CTNND2: variants seen among roughly 807,000 people sequenced by gnomAD.
The protein encoded by CTNND2 is catenin delta-2.
A neutral mutation model predicts 144.4 loss-of-function variants in CTNND2; 22 were observed. The ratio of observed to expected loss-of-function variants is 0.15; its 90% CI spans 0.11 to 0.22. The LOEUF is 0.22. CTNND2 is among the 10% of genes least tolerant of loss of function. The probability of loss-of-function intolerance (pLI) is 1.00; values close to 1 mark genes in which losing one functional copy is unlikely to be tolerated. For synonymous variants in CTNND2, 751 were observed against 695.6 expected (o/e 1.08, Z -1.25); for missense variants, 1,353 against 1,618.8 (o/e 0.84, Z 2.82).
chr5:11,722,968 T>C lies in CTNND2; in HGVS notation c.174+9168A>G, dbSNP rs1581777245. ...TAATATGACAACATCAAGAGTTTCATCAAGCACAAATATGTGAAAAATCTC... is the reference window on the plus strand; with the variant it reads ...TAATATGACAACATCAAGAGTTTCACCAAGCACAAATATGTGAAAAATCTC... On this transcript the variant is annotated intron_variant, in intron 2 of 21. Coordinates refer to ENST00000304623, the MANE Select transcript of CTNND2 (RefSeq NM_001332.4). 3.3e-5 allele frequency among the ~76,000 whole-genome samples: 5 copies of C among 152,178 alleles called. No homozygotes were observed. The South Asian group carries it at 8.3e-4, about 25-fold the overall frequency.
intron 11 of CTNND2, among the ~76,000 whole-genome samples, chr5:11,167,713 T>C (rs1263869632): frequency 2.7e-5 from 4 of 150,602 alleles, no homozygotes; most frequent in East Asian, 2.0e-4. Context: ...TTTTTTTTTT[T>C]CAGACAGAGT....
At chr5:11,660,197 C>G (rs533245288) in intron 2 of CTNND2, among the ~76,000 whole-genome samples, 6 of 152,044 alleles carry the variant, frequency 3.9e-5, no homozygotes, top group South Asian at 4.1e-4. Flanking sequence ...AGGCAAGAAG[C>G]TGCTACCTGA....
rs201288821 is a variant in CTNND2 at position 11,770,464 on chromosome 5, G to GAAGGAAGGAA, written c.38-38193_38-38192insTTCCTTCCTT. ...GGAAGGAAGGAAGGAAGGAAGGAAG[G>GAAGGAAGGAA]GGTAGGGGTAGGGGAAGGGGAAGGA... On this transcript the variant is annotated intron_variant, in intron 1 of 21. Coordinates refer to ENST00000304623, the MANE Select transcript of CTNND2 (RefSeq NM_001332.4). 6.0e-3 allele frequency among the ~76,000 whole-genome samples: 855 copies of GAAGGAAGGAA among 142,964 alleles called. 11 individuals carry two copies. Among genetic ancestry groups the GAAGGAAGGAA allele is most frequent in the African/African-American group, 0.014 (494 of 34,370 alleles). 93.8% of individuals were successfully genotyped at this position (142,964 alleles called of 152,430 possible). A position where few individuals can be genotyped will look rare whatever the true frequency, so the allele number is the denominator to read the frequency against.
chr5:11,662,189 A>G (rs565743745), intron 2 of CTNND2, among the ~76,000 whole-genome samples: 2 of 133,490 alleles, frequency 1.5e-5, no homozygotes, highest in Non-Finnish European at 3.4e-5. Context: ...ATATATGTGT[A>G]TATATGTGTA....
At chr5:11,865,294 G>A (rs1478108920) in intron 1 of CTNND2, among the ~76,000 whole-genome samples, 3 of 152,146 alleles carry the variant, frequency 2.0e-5, no homozygotes, top group South Asian at 4.2e-4. Flanking sequence ...TCAGAACTAG[G>A]ACTATATTGC....
chr5:11,054,207 CA>C (rs1746128621), intron 16 of CTNND2, among the ~76,000 whole-genome samples: 1 of 152,136 alleles, frequency 6.6e-6, no homozygotes, highest in Admixed American at 6.5e-5. Flanking sequence ...ACAATGATGG[CA>C]GTGAATTAAC....
intron 21 of CTNND2, among the ~76,000 whole-genome samples, chr5:10,980,038 G>A (rs1237527107): frequency 6.6e-6 from 1 of 152,120 alleles, no homozygotes; most frequent in African/African-American, 2.4e-5. Flanking sequence ...GGCAACAAAA[G>A]TCAAAATCGA....
At chr5:11,405,002 G>A (rs1343161290) in intron 5 of CTNND2, among the ~76,000 whole-genome samples, 1 of 152,154 alleles carries the variant, frequency 6.6e-6, no homozygotes, top group East Asian at 1.9e-4. Flanking sequence ...GCCTCGCGGG[G>A]AAAAGTCTGC....
At chr5:11,067,661 G>A (rs1747759230) in intron 16 of CTNND2, among the ~76,000 whole-genome samples, 1 of 152,182 alleles carries the variant, frequency 6.6e-6, no homozygotes, top group African/African-American at 2.4e-5. Context: ...AGGAAACCCT[G>A]CCCTCATTGA....
At chr5:11,248,340 C>CATATAT (rs70947249) in intron 9 of CTNND2, among the ~76,000 whole-genome samples, 73 of 149,112 alleles carry the variant, frequency 4.9e-4, no homozygotes, top group South Asian at 1.3e-3. Context: ...ATTATACATA[C>CATATAT]ATATATATAT....
At chr5:11,900,814 G>A (rs1215945790) in intron 1 of CTNND2, among the ~76,000 whole-genome samples, 1 of 152,170 alleles carries the variant, frequency 6.6e-6, no homozygotes, top group African/African-American at 2.4e-5. Flanking sequence ...ACTTGAAAAT[G>A]ACTAGCAGTC....
chr5:11,590,588 G>A (rs1779173905), intron 2 of CTNND2, among the ~76,000 whole-genome samples: 1 of 151,170 alleles, frequency 6.6e-6, no homozygotes, highest in Non-Finnish European at 1.5e-5. Flanking sequence ...CATCCTCCCC[G>A]CCCTTGTGAA....
chr5:11,247,465 G>A (rs1743122588), intron 9 of CTNND2, among the ~76,000 whole-genome samples: 1 of 152,180 alleles, frequency 6.6e-6, no homozygotes, highest in South Asian at 2.1e-4. Flanking sequence ...GTGGGGACTG[G>A]GATCTCTTGT....
intron 2 of CTNND2, among the ~76,000 whole-genome samples, chr5:11,670,103 C>T (rs150854093): frequency 0.02 from 2,985 of 152,108 alleles, 95 homozygotes; most frequent in African/African-American, 0.067. Flanking sequence ...GATTGCACTG[C>T]GGTCTGAGTA....
chr5:11,532,602 G>A (rs889439955), intron 3 of CTNND2, among the ~76,000 whole-genome samples: 2 of 152,064 alleles, frequency 1.3e-5, no homozygotes, highest in African/African-American at 4.8e-5. Flanking sequence ...TGAATAAATC[G>A]GGCAACTCAC....
intron 3 of CTNND2, among the ~76,000 whole-genome samples, chr5:11,517,838 A>G (rs1357179430): frequency 6.6e-6 from 1 of 152,180 alleles, no homozygotes; most frequent in African/African-American, 2.4e-5. Flanking sequence ...AATACATAAG[A>G]AAAAAGATCT....
chr5:11,835,492 C>G (rs1794128379), intron 1 of CTNND2, among the ~76,000 whole-genome samples: 1 of 151,942 alleles, frequency 6.6e-6, no homozygotes, highest in Admixed American at 6.6e-5. Context: ...GTTCAATTTC[C>G]TTAATAGCTA....
rs1296919976 is a variant in CTNND2 at position 11,904,274 on chromosome 5, TGCGCCCCGCGC to T, written c.-432_-422del. The stretch of plus-strand genomic sequence containing the variant: ...CGCCCGGCGCCGAGCGCTCCCGAGC[TGCGCCCCGCGC>T]GCGGCCCGCGCCACCTGTGCCGCCG... On this transcript the variant is annotated 5_prime_UTR_variant, in exon 1 of 22. Transcript: ENST00000304623. The surrounding 1 kb of genome is among the most constrained non-coding windows in gnomAD (Gnocchi z 4.2). 1.4e-5 allele frequency among the ~76,000 whole-genome samples: 2 copies of T among 145,652 alleles called. No homozygotes were observed. The highest frequency in any genetic ancestry group is 3.0e-5 in the Non-Finnish European group (2 of 65,658).
intron 1 of CTNND2, among the ~76,000 whole-genome samples, chr5:11,883,515 C>A (rs1736287972): frequency 6.6e-6 from 1 of 152,034 alleles, no homozygotes; most frequent in African/African-American, 2.4e-5. Context: ...ATGAACTCAT[C>A]TTTTTTATGG....
Sources: gnomAD v4.1 joint callset for allele counts (sites outside exome capture counted in the v4.1 genomes callset) on GRCh38, gnomAD v4.1.1 for gene constraint, Gnocchi (gnomAD v3.1) non-coding constraint, MANE v1.5 for transcripts, NCBI Gene and HGNC (gene_info 2026-07-23, HGNC 2026-07-21) for gene names.